The following FARSB variants were observed in gnomAD, a reference collection of about 807,000 sequenced individuals.
The protein encoded by FARSB is phenylalanine--tRNA ligase beta subunit.
In FARSB, 40 loss-of-function variants were observed where a neutral mutation model predicts 69.6. That is an observed-to-expected ratio of 0.57 (90% CI 0.45 to 0.75). The LOEUF (loss-of-function observed/expected upper bound fraction) is 0.75, where lower values mean the gene tolerates loss of function less well. Ranked by LOEUF, FARSB falls within the 30% of genes least tolerant of loss-of-function variation. The probability of loss-of-function intolerance (pLI) is 0.00; values close to 1 mark genes in which losing one functional copy is unlikely to be tolerated. For synonymous variants in FARSB, 235 were observed against 247.2 expected (o/e 0.95, Z 0.46); for missense variants, 632 against 722.9 (o/e 0.87, Z 1.44).
chr2:222,612,951 G>A (rs756515291), intron 15 of FARSB, among the ~76,000 whole-genome samples: 13 of 152,160 alleles, frequency 8.5e-5, no homozygotes, highest in Middle Eastern at 3.2e-3. Context: ...AAACACATTC[G>A]CAGTCACTGG....
intron 10 of FARSB, among the ~76,000 whole-genome samples, chr2:222,625,559 G>A (rs1691247580): frequency 1.3e-5 from 2 of 152,206 alleles, no homozygotes; most frequent in South Asian, 4.1e-4. Context: ...GGTCTTGATA[G>A]CTAGTGGCAG....
intron 10 of FARSB, 106 bp downstream of exon 10, chr2:222,628,731 C>T (rs918678361): frequency 1.1e-5 from 8 of 735,430 alleles, no homozygotes; most frequent in Admixed American, 4.6e-5. Flanking sequence ...GCCTGGCACA[C>T]GGGTGGGTAG....
intron 16 of FARSB, 25 bp downstream of exon 16, chr2:222,599,903 T>C: frequency 6.5e-7 from 1 of 1,546,560 alleles, no homozygotes; most frequent in Non-Finnish European, 8.7e-7. Context: ...TGTCACTAAC[T>C]CTGGATTCGG....
intron 16 of FARSB, among the ~76,000 whole-genome samples, chr2:222,589,536 T>C (rs1690208811): frequency 6.6e-6 from 1 of 151,408 alleles, no homozygotes; most frequent in Admixed American, 6.6e-5. Flanking sequence ...ACTAAAGAGC[T>C]TCTGCACAGC....
At chr2:222,589,630 T>C (rs1690211101) in intron 16 of FARSB, among the ~76,000 whole-genome samples, 2 of 152,016 alleles carry the variant, frequency 1.3e-5, no homozygotes, top group African/African-American at 4.8e-5. Flanking sequence ...AAAGGGCTAA[T>C]ATCCAGAATC....
intron 2 of FARSB, among the ~76,000 whole-genome samples, chr2:222,645,466 G>A (rs189393315): frequency 4.6e-5 from 7 of 152,076 alleles, no homozygotes; most frequent in African/African-American, 1.4e-4. Context: ...GGAAAAATAA[G>A]GTAAGATAAT....
rs188456605 is a variant in FARSB, at chr2:222,578,010, A to G, written c.1619-5988T>C. Reference sequence around the variant, plus strand: ...ATGACCCAGCTAATTGTAACTTTAAATCACTCTCAAACTGTGTAAAACCAA... The same window carrying G: ...ATGACCCAGCTAATTGTAACTTTAAGTCACTCTCAAACTGTGTAAAACCAA... On this transcript the variant is annotated intron_variant, in intron 16 of 16. Coordinates refer to ENST00000281828, the MANE Select transcript of FARSB (RefSeq NM_005687.5). Among the ~76,000 whole-genome samples, 17 of 152,308 alleles carry G rather than the reference A, an allele frequency of 1.1e-4. No individual in the cohort carries two copies. The East Asian group carries it at 3.3e-3, about 29-fold the overall frequency.
At chr2:222,636,695 C>A (rs1460550979) in intron 5 of FARSB, among the ~76,000 whole-genome samples, 2 of 152,148 alleles carry the variant, frequency 1.3e-5, no homozygotes, top group Non-Finnish European at 1.5e-5. Context: ...AGAGCAGCAA[C>A]TGAAAGCTGA....
At chr2:222,642,112 T>A (rs1691735240) in intron 3 of FARSB, among the ~76,000 whole-genome samples, 1 of 152,000 alleles carries the variant, frequency 6.6e-6, no homozygotes, top group Non-Finnish European at 1.5e-5. Flanking sequence ...AACGATTCTG[T>A]GCCTCAGCCT....
chr2:222,631,598 ACTTAC>A lies in FARSB; in HGVS notation c.786+1_786+5del, dbSNP rs778622376. ...CATACAAAAATTGAGTAAAAGTTTTACTTACCTTAGTAAAGTCAGTTCCCGTGCAT... is the reference window on the plus strand; with the variant it reads ...CATACAAAAATTGAGTAAAAGTTTTACTTAGTAAAGTCAGTTCCCGTGCAT... On this transcript the variant is annotated splice_donor_variant and splice_donor_5th_base_variant and intron_variant, in intron 8 of 16. Transcript: ENST00000281828. LOFTEE classifies it high-confidence loss of function. 1 of 1,454,442 alleles carries A rather than the reference ACTTAC, an allele frequency of 6.9e-7. No individual in the cohort carries two copies. Among genetic ancestry groups the A allele is most frequent in the East Asian group, 2.3e-5 (1 of 44,040 alleles). The allele number at this position is 1,454,442 out of a possible 1,614,324, so 90.1% of individuals were successfully genotyped here.
intron 1 of FARSB, 130 bp from the exon 2 acceptor site, chr2:222,648,925 T>G (rs1204725301): frequency 2.8e-6 from 2 of 720,804 alleles, no homozygotes; most frequent in South Asian, 1.5e-5. Context: ...GCATCACATA[T>G]TATCATTTAA....
At chr2:222,594,954 G>A (rs1690372657) in intron 16 of FARSB, among the ~76,000 whole-genome samples, 1 of 152,186 alleles carries the variant, frequency 6.6e-6, no homozygotes, top group Admixed American at 6.5e-5. Flanking sequence ...TATTCCAACT[G>A]TGTAGGAATC....
rs536074818 is a variant in FARSB, at chr2:222,604,471, A to G, written c.1463-4388T>C. Among the ~76,000 whole-genome samples, 287 of 152,294 alleles carry G rather than the reference A, an allele frequency of 1.9e-3. 1 individual carries two copies. Among genetic ancestry groups the G allele is most frequent in the Non-Finnish European group, 2.8e-3 (191 of 68,020 alleles). On this transcript the variant is annotated intron_variant, in intron 15 of 16. Coordinates refer to ENST00000281828, the MANE Select transcript of FARSB (RefSeq NM_005687.5). The stretch of plus-strand genomic sequence containing the variant: ...CATTTAACATTTCTCAGTACACACT[A>G]TATTCAAGGCGCTCTATTCTAGATA...
At chr2:222,601,037 C>T (rs1690542531) in intron 15 of FARSB, among the ~76,000 whole-genome samples, 1 of 150,832 alleles carries the variant, frequency 6.6e-6, no homozygotes. Context: ...ACAAATACTG[C>T]ATGATTCCAT....
At position 222,571,878 on chromosome 2, in the gene FARSB, A is replaced by C; in HGVS notation, c.1763T>G (p.Phe588Cys). Residue 588 changes from phenylalanine (F) to cysteine (C), a missense_variant, in exon 17 of 17, where the codon TTT becomes TGT. Phe to Cys is a radical substitution (Grantham distance 205). Coordinates refer to ENST00000281828, the MANE Select transcript of FARSB (RefSeq NM_005687.5). ...CSSLEINVGP[F>C]L ...CACCACAGAGACCAATCTTCACAAA[A>C]AGGGTCCAACATTGATTTCTAGGGA... 1.2e-6 allele frequency: 2 copies of C among 1,612,552 alleles called. No homozygotes were observed. Among genetic ancestry groups the C allele is most frequent in the Non-Finnish European group, 1.7e-6 (2 of 1,179,346 alleles).
In FARSB at chr2:222,633,277, T is replaced by C; in HGVS notation, c.637A>G (p.Ile213Val). The change falls in exon 7 of 17, where the codon ATC becomes GTC. Residue 213 changes from isoleucine (I) to valine (V), a missense_variant. Ile to Val is a conservative substitution (Grantham distance 29, BLOSUM62 3). Transcript: ENST00000281828. The stretch of plus-strand genomic sequence containing the variant: ...GGATACAGGGGTTTGTTTTCAATGA[T>C]ATGTAAATAATGTTTCAGGTGATTG... The part of the protein sequence containing the change: ...TDNHLKHYLH[I>V]IENKPLYPVI... 6.4e-7 allele frequency: 1 copy of C among 1,565,194 alleles called. No individual in the cohort carries two copies. Among genetic ancestry groups the C allele is most frequent in the Non-Finnish European group, 8.7e-7 (1 of 1,149,488 alleles).
chr2:222,609,282 G>A (rs1690784148), intron 15 of FARSB, among the ~76,000 whole-genome samples: 1 of 152,156 alleles, frequency 6.6e-6, no homozygotes, highest in Non-Finnish European at 1.5e-5. Flanking sequence ...TCACAATTAG[G>A]TCCTTTGTTC....
chr2:222,631,199 T>C (rs2106226468), intron 8 of FARSB, among the ~76,000 whole-genome samples: 1 of 152,168 alleles, frequency 6.6e-6, no homozygotes, highest in African/African-American at 2.4e-5. Context: ...TTTTTTAAGA[T>C]TTTAACAAGT....
At chr2:222,604,238 A>T (rs1167527669) in intron 15 of FARSB, among the ~76,000 whole-genome samples, 3 of 151,706 alleles carry the variant, frequency 2.0e-5, no homozygotes, top group Admixed American at 6.6e-5. Flanking sequence ...AAAAAAAGAT[A>T]TGCATTGTTG....
Sources: allele counts gnomAD v4.1 joint callset (sites outside exome capture counted in the v4.1 genomes callset), GRCh38; gene constraint gnomAD v4.1.1; transcripts MANE v1.5; gene names NCBI Gene and HGNC (gene_info 2026-07-23, HGNC 2026-07-21).